The following CFAP61 variants were observed in gnomAD, a reference collection of about 807,000 sequenced individuals.
CFAP61 encodes the protein cilia and flagella associated protein 61.
Under a neutral mutation model 135.6 loss-of-function variants are expected in CFAP61, and 107 were observed. That is an observed-to-expected ratio of 0.79 (90% CI 0.67 to 0.93). CFAP61 has a LOEUF of 0.93. Ranked by LOEUF, CFAP61 falls within the 40% of genes least tolerant of loss-of-function variation. CFAP61 has a pLI of 0.00. For synonymous variants in CFAP61, 575 were observed against 578.5 expected, an observed-to-expected ratio of 0.99 and a Z score of 0.09; for missense variants, 1,507 against 1,556.2, an observed-to-expected ratio of 0.97 and a Z score of 0.53.
intron 8 of CFAP61, among the ~76,000 whole-genome samples, chr20:20,135,594 CAACTT>C (rs1568979174): frequency 3.3e-5 from 5 of 152,266 alleles, no homozygotes; most frequent in African/African-American, 1.2e-4. Context: ...AAACTGATGA[CAACTT>C]AACACTGATT....
chr20:20,351,655 TC>T (rs2122439546), intron 26 of CFAP61, among the ~76,000 whole-genome samples: 1 of 151,596 alleles, frequency 6.6e-6, no homozygotes, highest in African/African-American at 2.4e-5. Context: ...TTACAAAGCA[TC>T]AAAAAAAATA....
intron 21 of CFAP61, among the ~76,000 whole-genome samples, chr20:20,268,836 TA>T (rs975930651): frequency 7.2e-5 from 11 of 151,866 alleles, no homozygotes; most frequent in African/African-American, 2.4e-4. Context: ...GAAAGTAAAG[TA>T]AAAAAAATAA....
chr20:20,199,808 A>C lies in CFAP61; in HGVS notation c.1838A>C (p.His613Pro), dbSNP rs1462167609. The C allele has an allele frequency of 6.2e-7, 1 of 1,614,078 alleles. No individual in the cohort carries two copies. Among genetic ancestry groups the C allele is most frequent in the South Asian group, 1.1e-5 (1 of 91,084 alleles). ...GCCCACTCCCTGACATCTGCCCTTC[A>C]TTACTTGGTTCCCGTGCGACCACGA... is the stretch of plus-strand genomic sequence containing the variant. ...PYAHSLTSAL[H>P]YLVPVRPRRQ... The change falls in exon 17 of 27, where the codon CAT becomes CCT. Residue 613 changes from histidine (H) to proline (P), a missense_variant. His to Pro is a moderately conservative substitution (Grantham distance 77). Coordinates refer to ENST00000245957, the MANE Select transcript of CFAP61 (RefSeq NM_015585.4).
chr20:20,187,252 A>G (rs1049838408), intron 13 of CFAP61, among the ~76,000 whole-genome samples: 1 of 152,156 alleles, frequency 6.6e-6, no homozygotes, highest in Non-Finnish European at 1.5e-5. Flanking sequence ...AACCAAAGCA[A>G]CCAATGTCGC....
At chr20:20,204,225 C>G (rs1353890855) in intron 17 of CFAP61, among the ~76,000 whole-genome samples, 2 of 152,172 alleles carry the variant, frequency 1.3e-5, no homozygotes, top group Non-Finnish European at 2.9e-5. Context: ...TCAGAGTGAT[C>G]TTGTTTTTTT....
intron 8 of CFAP61, among the ~76,000 whole-genome samples, chr20:20,127,719 C>T (rs2146711828): frequency 6.6e-6 from 1 of 151,618 alleles, no homozygotes; most frequent in South Asian, 2.1e-4. Flanking sequence ...TGGTTGGCCT[C>T]CTGCCAGGTG....
At position 20,279,996 on chromosome 20, in the gene CFAP61, C is replaced by T. The variant is rs576782798; in HGVS notation, c.2796+2538C>T. Among the ~76,000 whole-genome samples, 100 of 152,202 alleles carry T rather than the reference C, an allele frequency of 6.6e-4. 1 individual carries two copies. In the South Asian group the frequency reaches 0.02, roughly 31 times the overall value. The stretch of plus-strand genomic sequence containing the variant: ...TTTGGTGGGGATGAATATGTCCATC[C>T]TCTTCACTATGGTCTTGGTGTCATG... On this transcript the variant is annotated intron_variant, in intron 22 of 26. Transcript: ENST00000245957.
rs190990221 is a variant in CFAP61 at position 20,127,868 on chromosome 20, C to T, written c.860-14989C>T. On this transcript the variant is annotated intron_variant, in intron 8 of 26. Transcript: ENST00000245957. ...TGTCCTTGGGTGGGTCTTGCTGCAG[C>T]TGCTGTGGGAGATGGGGGTGAGGTT... Among the ~76,000 whole-genome samples the T allele has an allele frequency of 5.1e-4, 78 of 151,624 alleles. 1 individual carries two copies. The highest frequency in any genetic ancestry group is 9.3e-4 in the Non-Finnish European group (63 of 67,984).
rs756872281 is a variant in CFAP61, at chr20:20,341,954, C to G, written c.3513+33C>G. 8.3e-6 allele frequency: 12 copies of G among 1,444,078 alleles called. No individual in the cohort carries two copies. In the African/African-American group the frequency reaches 1.7e-4, roughly 20 times the overall value. 89.5% of individuals were successfully genotyped at this position (1,444,078 alleles called of 1,614,324 possible). ...TGATTAATGGATATGTGGATTATTC[C>G]TTGCAAATTATAAGCAGCTGATAGC... On this transcript the variant is annotated intron_variant, in intron 26 of 26. Transcript: ENST00000245957.
At chr20:20,287,059 A>G (rs558310420) in intron 22 of CFAP61, among the ~76,000 whole-genome samples, 2 of 152,266 alleles carry the variant, frequency 1.3e-5, no homozygotes, top group Non-Finnish European at 2.9e-5. Flanking sequence ...TAGGAAATCT[A>G]TTTTTTATAG....
At chr20:20,091,107 C>T (rs41309357) in intron 7 of CFAP61, 131 bp downstream of exon 7, 545 of 1,023,154 alleles carry the variant, frequency 5.3e-4, no homozygotes, top group Non-Finnish European at 7.5e-4. Context: ...TCCCACTGCC[C>T]TTCCAGGTGG....
At chr20:20,173,659 G>C (rs1217766999) in intron 13 of CFAP61, among the ~76,000 whole-genome samples, 2 of 152,116 alleles carry the variant, frequency 1.3e-5, no homozygotes, top group Admixed American at 6.6e-5. Flanking sequence ...TTTTGTGATA[G>C]AAAAATGTAG....
At chr20:20,064,115 C>T (rs35829183) in intron 2 of CFAP61, among the ~76,000 whole-genome samples, 9,567 of 149,132 alleles carry the variant, frequency 0.064, 419 homozygotes, top group Non-Finnish European at 0.092. Flanking sequence ...GTACCACATC[C>T]GATTGTTATC....
chr20:20,140,155 T>A (rs2051259939), intron 8 of CFAP61, among the ~76,000 whole-genome samples: 1 of 128,922 alleles, frequency 7.8e-6, no homozygotes, highest in South Asian at 2.5e-4. Flanking sequence ...TTTTTTTTAG[T>A]GCTGTCTTGT....
At chr20:20,269,231 A>ATATATACACATATATACATATATG (rs1569220007) in intron 21 of CFAP61, among the ~76,000 whole-genome samples, 13 of 143,392 alleles carry the variant, frequency 9.1e-5, no homozygotes, top group African/African-American at 3.0e-4. Flanking sequence ...ACATATATGT[A>ATATATACACATATATACATATATG]TATATATACA....
chr20:20,253,574 G>T, intron 20 of CFAP61: 1 of 493,026 alleles, frequency 2.0e-6, no homozygotes, highest in South Asian at 1.5e-5. Flanking sequence ...TTTTAAGCAT[G>T]TGCAGCAAAC....
intron 25 of CFAP61, among the ~76,000 whole-genome samples, chr20:20,308,947 T>C (rs765288182): frequency 6.6e-5 from 10 of 152,324 alleles, no homozygotes; most frequent in Non-Finnish European, 1.3e-4. Context: ...TATAAATACC[T>C]CTTTGCCGAA....
chr20:20,346,206 T>C (rs1350680844), intron 26 of CFAP61, among the ~76,000 whole-genome samples: 2 of 144,742 alleles, frequency 1.4e-5, no homozygotes, highest in Non-Finnish European at 3.0e-5. Flanking sequence ...CGGCCGATTG[T>C]GCCACTTTAG....
At chr20:20,240,131 C>T (rs564793835) in intron 18 of CFAP61, among the ~76,000 whole-genome samples, 41 of 152,196 alleles carry the variant, frequency 2.7e-4, no homozygotes, top group Non-Finnish European at 4.9e-4. Flanking sequence ...TTTGACACCC[C>T]CCTGGAGCAT....
Sources: allele counts gnomAD v4.1 joint callset (sites outside exome capture counted in the v4.1 genomes callset), GRCh38; gene constraint gnomAD v4.1.1; transcripts MANE v1.5; gene names NCBI Gene and HGNC (gene_info 2026-07-23, HGNC 2026-07-21).